LRRC69: variants seen among roughly 807,000 people sequenced by gnomAD.
LRRC69 encodes leucine rich repeat containing 69, also known as leucine-rich repeat-containing protein 69.
LRRC69 carries 42 observed loss-of-function variants against 37.8 expected under a neutral mutation model. The ratio of observed to expected loss-of-function variants is 1.11; its 90% CI spans 0.87 to 1.44. LRRC69 has a LOEUF of 1.44. Among genes scored for constraint, LRRC69 ranks in the 40% most tolerant of loss-of-function variants. The pLI, the probability that LRRC69 is intolerant of heterozygous loss-of-function variation, is 0.00. For synonymous variants in LRRC69, 141 were observed against 143.1 expected, an observed-to-expected ratio of 0.99 and a Z score of 0.11; for missense variants, 357 against 401.9, an observed-to-expected ratio of 0.89 and a Z score of 0.96.
At chr8:91,211,311 GA>G (rs1378694503) in intron 7 of LRRC69, among the ~76,000 whole-genome samples, 1 of 151,572 alleles carries the variant, frequency 6.6e-6, no homozygotes, top group African/African-American at 2.4e-5. Context: ...TATCACAATG[GA>G]ATTAGAATAA....
chr8:91,174,242 G>A lies in LRRC69; in HGVS notation c.652-15280G>A, dbSNP rs1454231274. 2.0e-5 allele frequency among the ~76,000 whole-genome samples: 3 copies of A among 152,060 alleles called. No homozygotes were observed. The East Asian group carries it at 5.8e-4, about 29-fold the overall frequency. ...GCCTGTAAGTCCAGTGCTTTGTCTA[G>A]TCTACTATTAAGTACAGATAAAGTT... is the stretch of plus-strand genomic sequence containing the variant. On this transcript the variant is annotated intron_variant, in intron 5 of 7. Transcript: ENST00000448384.
intron 6 of LRRC69, among the ~76,000 whole-genome samples, chr8:91,194,591 G>C (rs1308597906): frequency 1.4e-4 from 21 of 150,924 alleles, no homozygotes; most frequent in African/African-American, 4.9e-4. Context: ...TGTATGTGTC[G>C]AGGAATTTAT....
chr8:91,114,455 G>GTGTGTGTATA (rs142337818), intron 1 of LRRC69, among the ~76,000 whole-genome samples: 5 of 150,970 alleles, frequency 3.3e-5, no homozygotes, highest in East Asian at 1.9e-4. Flanking sequence ...GTGTGTGTGT[G>GTGTGTGTATA]TATATATATA....
intron 5 of LRRC69, among the ~76,000 whole-genome samples, chr8:91,171,470 C>A (rs189557802): frequency 6.6e-5 from 10 of 151,976 alleles, no homozygotes; most frequent in Non-Finnish European, 2.9e-5. Flanking sequence ...CAGCACTGAA[C>A]TTGAAAAAAT....
At chr8:91,110,086 G>A (rs1005209294) in intron 1 of LRRC69, among the ~76,000 whole-genome samples, 3 of 151,810 alleles carry the variant, frequency 2.0e-5, no homozygotes, top group Non-Finnish European at 2.9e-5. Context: ...AATTTGATTC[G>A]ATTACCTTTA....
chr8:91,110,869 G>A (rs1178314786), intron 1 of LRRC69, among the ~76,000 whole-genome samples: 1 of 151,982 alleles, frequency 6.6e-6, no homozygotes, highest in Non-Finnish European at 1.5e-5. Context: ...AATAAAGAAA[G>A]CATGCAGCTC....
chr8:91,134,628 C>G (rs1211778909), intron 4 of LRRC69, among the ~76,000 whole-genome samples: 1 of 151,936 alleles, frequency 6.6e-6, no homozygotes, highest in Non-Finnish European at 1.5e-5. Flanking sequence ...TAAAGCTTTA[C>G]CAGCATTGTA....
intron 5 of LRRC69, among the ~76,000 whole-genome samples, chr8:91,154,348 A>G (rs1808795446): frequency 6.6e-6 from 1 of 151,922 alleles, no homozygotes; most frequent in African/African-American, 2.4e-5. Context: ...CAAATAATTC[A>G]AAAGGAGACA....
intron 5 of LRRC69, among the ~76,000 whole-genome samples, chr8:91,166,538 T>A (rs1159483470): frequency 7.0e-6 from 1 of 142,296 alleles, no homozygotes; most frequent in Non-Finnish European, 1.5e-5. Flanking sequence ...CTGAAAATCC[T>A]AATATTAGCA....
At chr8:91,161,449 C>T (rs1808944073) in intron 5 of LRRC69, among the ~76,000 whole-genome samples, 1 of 151,038 alleles carries the variant, frequency 6.6e-6, no homozygotes, top group African/African-American at 2.4e-5. Flanking sequence ...TTTTGGGAGA[C>T]TTATTACTGT....
At chr8:91,191,587 G>A (rs2130613086) in intron 6 of LRRC69, among the ~76,000 whole-genome samples, 1 of 152,280 alleles carries the variant, frequency 6.6e-6, no homozygotes, top group African/African-American at 2.4e-5. Context: ...AACTTAAGCA[G>A]TTGGGTTCCA....
exon 1 of LRRC69, chr8:91,102,668 G>A: frequency 6.5e-7 from 1 of 1,550,140 alleles, no homozygotes; most frequent in East Asian, 2.4e-5. Context: ...GATCATGACT[G>A]AGAGATTGTT....
chr8:91,120,527 G>A (rs553955434), intron 1 of LRRC69, among the ~76,000 whole-genome samples: 1 of 152,242 alleles, frequency 6.6e-6, no homozygotes, highest in East Asian at 1.9e-4. Flanking sequence ...CAGCACAGAG[G>A]CAAAGGGGTT....
rs1037447199 is a variant in LRRC69, at chr8:91,111,362, G to A, written c.183+8518G>A. ...AGCCTGGCCAAGATGGTGAAACCCC[G>A]TCTCTATTAAAAATACAAAAAATTA... On this transcript the variant is annotated intron_variant, in intron 1 of 7. Transcript: ENST00000448384. Among the ~76,000 whole-genome samples, 20 of 151,752 alleles carry A rather than the reference G, an allele frequency of 1.3e-4. 1 individual carries two copies. The highest frequency in any genetic ancestry group is 2.1e-4 in the South Asian group (1 of 4,816).
rs751223250 is a variant in LRRC69, at chr8:91,189,472, G to T, written c.652-50G>T. The T allele has an allele frequency of 7.1e-6, 8 of 1,131,500 alleles. No homozygotes were observed. The African/African-American group carries it at 1.2e-4, about 18-fold the overall frequency. The allele number at this position is 1,131,500 out of a possible 1,614,324, so 70.1% of individuals were successfully genotyped here. A position where few individuals can be genotyped will look rare whatever the true frequency, so the allele number is the denominator to read the frequency against. On this transcript the variant is annotated intron_variant, in intron 5 of 7. Transcript: ENST00000448384. ...TTTTATTAAAAATGTAGCTTTAGAGGTAGTTTCATTATTTTGTTGTGCAAT... is the reference window on the plus strand; with the variant it reads ...TTTTATTAAAAATGTAGCTTTAGAGTTAGTTTCATTATTTTGTTGTGCAAT...
At chr8:91,109,343 T>C (rs1813372939) in intron 1 of LRRC69, among the ~76,000 whole-genome samples, 1 of 152,064 alleles carries the variant, frequency 6.6e-6, no homozygotes, top group Admixed American at 6.6e-5. Flanking sequence ...CTGCCTTGAC[T>C]CATCTGAAAA....
intron 6 of LRRC69, among the ~76,000 whole-genome samples, chr8:91,190,685 CATA>C: frequency 6.6e-6 from 1 of 152,030 alleles, no homozygotes; most frequent in South Asian, 2.1e-4. Context: ...ATGATGATAT[CATA>C]ATATTTTTAA....
chr8:91,129,595 A>G (rs1813773580), intron 3 of LRRC69, among the ~76,000 whole-genome samples: 1 of 151,866 alleles, frequency 6.6e-6, no homozygotes, highest in Non-Finnish European at 1.5e-5. Flanking sequence ...TTAATGAAGA[A>G]AATTCCCCAT....
Position 91,167,376 on chromosome 8 carries a change from C to T in LRRC69, c.652-22146C>T, listed in dbSNP as rs184679633. Among the ~76,000 whole-genome samples the T allele has an allele frequency of 1.8e-3, 268 of 151,536 alleles. 6 individuals are homozygous for T. Among genetic ancestry groups the T allele is most frequent in the East Asian group, 1.8e-3 (9 of 5,126 alleles). ...ATCTAGTGAGACTTATTCACTATCA[C>T]GAGAACAGCCCGGGAAAGACCCGCC... On this transcript the variant is annotated intron_variant, in intron 5 of 7. Transcript: ENST00000448384.
Sources: gnomAD v4.1 joint callset for allele counts (sites outside exome capture counted in the v4.1 genomes callset) on GRCh38, gnomAD v4.1.1 for gene constraint, MANE v1.5 for transcripts, NCBI Gene and HGNC (gene_info 2026-07-23, HGNC 2026-07-21) for gene names.